Variants in PRIM2 observed in about 807,000 individuals in gnomAD.
The protein encoded by PRIM2 is DNA primase large subunit.
Under a neutral mutation model 67.3 loss-of-function variants are expected in PRIM2, and 39 were observed. That is an observed-to-expected ratio of 0.58 (90% CI 0.45 to 0.76). The LOEUF (loss-of-function observed/expected upper bound fraction) is 0.76. PRIM2 is among the 30% of genes least tolerant of loss of function. The probability of loss-of-function intolerance (pLI) is 0.00; values close to 1 mark genes in which losing one functional copy is unlikely to be tolerated. For missense variants in PRIM2, 398 were observed against 598.7 expected, an observed-to-expected ratio of 0.66 and a Z score of 3.50; for synonymous variants, 143 against 198.7, an observed-to-expected ratio of 0.72 and a Z score of 2.36.
chr6:57,555,661 G>A (rs1213513747), intron 10 of PRIM2, among the ~76,000 whole-genome samples: 1 of 152,136 alleles, frequency 6.6e-6, no homozygotes, highest in Admixed American at 6.6e-5. Flanking sequence ...TTGCAAAGAA[G>A]CACCCTGAAG....
chr6:57,582,997 C>G (rs1776124831), intron 10 of PRIM2, among the ~76,000 whole-genome samples: 1 of 130,100 alleles, frequency 7.7e-6, no homozygotes, highest in Non-Finnish European at 1.6e-5. Context: ...TCCATGTGTT[C>G]TCATTGTTCA....
intron 12 of PRIM2, among the ~76,000 whole-genome samples, chr6:57,609,579 A>T (rs1776628197): frequency 6.6e-6 from 1 of 152,172 alleles, no homozygotes; most frequent in Non-Finnish European, 1.5e-5. Context: ...AATAGTAATG[A>T]CCATGTTTGT....
At chr6:57,620,895 A>C (rs2127496895) in intron 12 of PRIM2, among the ~76,000 whole-genome samples, 1 of 152,416 alleles carries the variant, frequency 6.6e-6, no homozygotes, top group South Asian at 2.1e-4. Context: ...AAGGCATTTC[A>C]TGTAAATGGA....
chr6:57,273,823 G>A, the PRIM2 span, among the ~76,000 whole-genome samples: 2 of 152,070 alleles, frequency 1.3e-5, no homozygotes, highest in Admixed American at 6.5e-5. Context: ...TGTCCTTCCC[G>A]TTTGTTAGTT....
At chr6:57,255,388 C>T in the PRIM2 span, among the ~76,000 whole-genome samples, 1 of 151,776 alleles carries the variant, frequency 6.6e-6, no homozygotes, top group Non-Finnish European at 1.5e-5. Flanking sequence ...GTCCCAGCTA[C>T]TCGGGAGGCT....
chr6:57,351,165 T>C (rs926025827), intron 5 of PRIM2, among the ~76,000 whole-genome samples: 21 of 151,976 alleles, frequency 1.4e-4, no homozygotes, highest in African/African-American at 4.6e-4. Flanking sequence ...ATGCTTGGGA[T>C]CAGATGTGTT....
intron 7 of PRIM2, among the ~76,000 whole-genome samples, chr6:57,443,033 T>G (rs1772249884): frequency 6.6e-6 from 1 of 152,202 alleles, no homozygotes; most frequent in Non-Finnish European, 1.5e-5. Flanking sequence ...TTTTTTCACT[T>G]ATCATGTTCT....
intron 7 of PRIM2, among the ~76,000 whole-genome samples, chr6:57,398,592 T>G (rs1301167798): frequency 6.6e-6 from 1 of 152,194 alleles, no homozygotes. Flanking sequence ...GAGCATTTGC[T>G]GTGTGGTGAT....
intron 13 of PRIM2, among the ~76,000 whole-genome samples, chr6:57,645,405 A>AT (rs1458949369): frequency 5.4e-5 from 8 of 148,668 alleles, no homozygotes; most frequent in South Asian, 4.3e-4. Flanking sequence ...TAGTTTTCTA[A>AT]TTTTTTGTTT....
Position 57,642,968 on chromosome 6 carries a change from C to CT in PRIM2, c.1300-2952dup, listed in dbSNP as rs1296614223. ...CTCCCTCTCCTTCTGTGACTTTCACCTTTTTTTTAAGTGACTTGCTTTTCT... is the reference window on the plus strand; with the variant it reads ...CTCCCTCTCCTTCTGTGACTTTCACCTTTTTTTTTAAGTGACTTGCTTTTCT... On this transcript the variant is annotated intron_variant, in intron 13 of 13. Coordinates refer to ENST00000615550, the MANE Select transcript of PRIM2 (RefSeq NM_000947.5). Among the ~76,000 whole-genome samples the CT allele has an allele frequency of 1.3e-3, 190 of 151,940 alleles. 1 individual carries two copies. Among genetic ancestry groups the CT allele is most frequent in the African/African-American group, 3.4e-3 (142 of 41,438 alleles).
chr6:57,323,935 A>G (rs749779760), intron 3 of PRIM2, among the ~76,000 whole-genome samples: 1 of 152,080 alleles, frequency 6.6e-6, no homozygotes, highest in Non-Finnish European at 1.5e-5. Flanking sequence ...AAGATAAAAA[A>G]TTAGCGGGGC....
At chr6:57,292,979 A>G in the PRIM2 span, among the ~76,000 whole-genome samples, 1 of 152,374 alleles carries the variant, frequency 6.6e-6, no homozygotes, top group Non-Finnish European at 1.5e-5. Flanking sequence ...AAAAGCCAAA[A>G]TTGACAAATG....
intron 5 of PRIM2, among the ~76,000 whole-genome samples, chr6:57,362,389 T>A (rs1023707493): frequency 2.0e-5 from 3 of 152,214 alleles, no homozygotes; most frequent in African/African-American, 7.2e-5. Context: ...CTCTTATTGC[T>A]TGAATAAACG....
rs149436085 is a variant in PRIM2 at position 57,439,404 on chromosome 6, G to GTTTTTT, written c.693+57260_693+57265dup. Among the ~76,000 whole-genome samples the GTTTTTT allele has an allele frequency of 1.2e-4, 7 of 57,068 alleles. 1 individual carries two copies. Among genetic ancestry groups the GTTTTTT allele is most frequent in the African/African-American group, 2.8e-4 (5 of 17,866 alleles). 37.4% of individuals were successfully genotyped at this position (57,068 alleles called of 152,430 possible). A position where few individuals can be genotyped will look rare whatever the true frequency, so the allele number is the denominator to read the frequency against. On this transcript the variant is annotated intron_variant, in intron 7 of 13. Transcript: ENST00000615550. ...CATGAGCTTTGAGTAGAGGTACTCTGTTTTTTTTTTTTTTTTTTTTTTTTT... is the reference window on the plus strand; with the variant it reads ...CATGAGCTTTGAGTAGAGGTACTCTGTTTTTTTTTTTTTTTTTTTTTTTTTTTTTTT...
At chr6:57,274,503 C>T in the PRIM2 span, among the ~76,000 whole-genome samples, 1 of 152,180 alleles carries the variant, frequency 6.6e-6, no homozygotes, top group South Asian at 2.1e-4. Context: ...TGGGAGTGAC[C>T]CGATTTTCCA....
intron 10 of PRIM2, among the ~76,000 whole-genome samples, chr6:57,555,014 G>A (rs1394662098): frequency 6.6e-5 from 10 of 152,302 alleles, no homozygotes; most frequent in Admixed American, 6.5e-4. Context: ...AGTTCTAAAA[G>A]AGCACATTGT....
chr6:57,254,764 G>A, the PRIM2 span, among the ~76,000 whole-genome samples: 3 of 152,290 alleles, frequency 2.0e-5, no homozygotes, highest in East Asian at 5.8e-4. Flanking sequence ...TTTAGCAGGA[G>A]ACAAGATAAG....
intron 5 of PRIM2, among the ~76,000 whole-genome samples, chr6:57,327,951 G>A (rs1004809502): frequency 6.6e-6 from 1 of 152,228 alleles, no homozygotes; most frequent in Middle Eastern, 3.4e-3. Flanking sequence ...ATCATAAGGA[G>A]TGCACATCTT....
chr6:57,544,721 C>G (rs1479143491), intron 10 of PRIM2, among the ~76,000 whole-genome samples: 100 of 152,210 alleles, frequency 6.6e-4, no homozygotes, highest in African/African-American at 2.4e-3. Context: ...TTATCTGTAT[C>G]CTACAATTAG....
Sources: gnomAD v4.1 joint callset for allele counts (sites outside exome capture counted in the v4.1 genomes callset) on GRCh38, gnomAD v4.1.1 for gene constraint, MANE v1.5 for transcripts, NCBI Gene and HGNC (gene_info 2026-07-23, HGNC 2026-07-21) for gene names.